PARD3B: variants seen among roughly 807,000 people sequenced by gnomAD.
The protein encoded by PARD3B is par-3 family cell polarity regulator beta.
In PARD3B, 103 loss-of-function variants were observed where a neutral mutation model predicts 130.2. The ratio of observed to expected loss-of-function variants is 0.79; its 90% CI spans 0.67 to 0.93. The LOEUF (loss-of-function observed/expected upper bound fraction) is 0.93. Ranked by LOEUF, PARD3B falls within the 40% of genes least tolerant of loss-of-function variation. PARD3B has a pLI of 0.00. For synonymous variants in PARD3B, 583 were observed against 553.2 expected (o/e 1.05, Z -0.76); for missense variants, 1,609 against 1,499.2 (o/e 1.07, Z -1.21).
intron 15 of PARD3B, among the ~76,000 whole-genome samples, chr2:205,221,458 C>T (rs1455026991): frequency 6.6e-6 from 1 of 152,142 alleles, no homozygotes; most frequent in Non-Finnish European, 1.5e-5. Context: ...GTTCAGCTGC[C>T]AGGAAAGCTA....
intron 1 of PARD3B, among the ~76,000 whole-genome samples, chr2:204,637,889 A>G (rs1159853947): frequency 2.6e-5 from 4 of 152,036 alleles, no homozygotes; most frequent in Non-Finnish European, 4.4e-5. Context: ...CATAGGAGAG[A>G]GATGCGGAAG....
At chr2:205,031,934 C>A (rs1447486344) in intron 3 of PARD3B, among the ~76,000 whole-genome samples, 3 of 152,118 alleles carry the variant, frequency 2.0e-5, no homozygotes, top group Non-Finnish European at 2.9e-5. Context: ...CCAAGCCATT[C>A]CTGTGCCTCT....
Position 205,230,882 on chromosome 2 carries a change from G to A in PARD3B, c.2141-14896G>A, listed in dbSNP as rs1025213099. Reference sequence around the variant, plus strand: ...CCTCCATGGACTCTGGCTGTGTTCTGCCTGGTGTTGCTTTCCACCATGACA... The same window carrying A: ...CCTCCATGGACTCTGGCTGTGTTCTACCTGGTGTTGCTTTCCACCATGACA... On this transcript the variant is annotated intron_variant, in intron 15 of 22. Transcript: ENST00000406610. This position sits in a 1 kb window ranked among gnomAD's most constrained non-coding sequence, Gnocchi z 4.1. 2.0e-5 allele frequency among the ~76,000 whole-genome samples: 3 copies of A among 152,038 alleles called. No individual in the cohort carries two copies. The highest frequency in any genetic ancestry group is 4.8e-5 in the African/African-American group (2 of 41,406).
chr2:205,231,485 C>T (rs1035534889), intron 15 of PARD3B, among the ~76,000 whole-genome samples: 3 of 150,658 alleles, frequency 2.0e-5, no homozygotes, highest in Admixed American at 2.0e-4. Context: ...TAACACCATG[C>T]CCAACTAATT....
In PARD3B at chr2:205,047,491, T is replaced by A. The variant is rs1045837547; in HGVS notation, c.395-90T>A. ...AGAATGTTTTTACATAAAAGCCTGT[T>A]GTAAACCTTTTAAATTAAAGTGCAT... On this transcript the variant is annotated intron_variant, in intron 3 of 22. Transcript: ENST00000406610. 5.7e-6 allele frequency: 4 copies of A among 707,558 alleles called. No individual in the cohort carries two copies. In the Admixed American group the frequency reaches 1.2e-4, roughly 22 times the overall value. The allele number at this position is 707,558 out of a possible 1,614,324, so 43.8% of individuals were successfully genotyped here.
intron 18 of PARD3B, among the ~76,000 whole-genome samples, chr2:205,316,723 A>C (rs2042576325): frequency 6.6e-6 from 1 of 151,910 alleles, no homozygotes; most frequent in Admixed American, 6.6e-5. Context: ...CTCCTGAAAA[A>C]CCTACTCCAG....
chr2:204,708,957 A>T (rs1042605017), intron 2 of PARD3B, among the ~76,000 whole-genome samples: 46 of 152,182 alleles, frequency 3.0e-4, no homozygotes, highest in Admixed American at 2.8e-3. Flanking sequence ...GGGAGCCAAG[A>T]ACAAATTAAA....
rs116057728 is a variant in PARD3B, at chr2:205,105,137, A to G, written c.593+623A>G. Among the ~76,000 whole-genome samples the G allele has an allele frequency of 3.8e-3, 572 of 152,326 alleles. 5 individuals carry two copies. The highest frequency in any genetic ancestry group is 0.013 in the African/African-American group (553 of 41,566). On this transcript the variant is annotated intron_variant, in intron 5 of 22. Transcript: ENST00000406610. The surrounding 1 kb of genome is among the most constrained non-coding windows in gnomAD (Gnocchi z 4.0). Reference sequence around the variant, plus strand: ...GCCTCTTTACTAGTCCTGTGAGCTTAGACAAGTTACTCATTTCTCTTTCTC... The same window carrying G: ...GCCTCTTTACTAGTCCTGTGAGCTTGGACAAGTTACTCATTTCTCTTTCTC...
intron 3 of PARD3B, among the ~76,000 whole-genome samples, chr2:205,036,827 CTG>C (rs1697957220): frequency 6.7e-6 from 1 of 149,180 alleles, no homozygotes; most frequent in South Asian, 2.1e-4. Flanking sequence ...ACACAACGGA[CTG>C]TATGTACAAA....
chr2:205,567,609 A>G (rs2053403883), intron 22 of PARD3B, among the ~76,000 whole-genome samples: 2 of 151,600 alleles, frequency 1.3e-5, no homozygotes, highest in South Asian at 4.2e-4. Context: ...GGCATGAGCC[A>G]CCGCGCCCGG....
At chr2:205,523,514 A>G (rs896352315) in intron 21 of PARD3B, among the ~76,000 whole-genome samples, 1 of 151,956 alleles carries the variant, frequency 6.6e-6, no homozygotes, top group Admixed American at 6.6e-5. Flanking sequence ...CTGGCTTTAT[A>G]AATATTATTT....
intron 20 of PARD3B, among the ~76,000 whole-genome samples, chr2:205,498,553 G>A (rs1391005502): frequency 6.6e-6 from 1 of 152,076 alleles, no homozygotes; most frequent in Non-Finnish European, 1.5e-5. Context: ...ATTCGAATTT[G>A]CTTTGTAAAT....
intron 2 of PARD3B, among the ~76,000 whole-genome samples, chr2:204,779,222 A>G (rs2041751566): frequency 6.6e-6 from 1 of 152,028 alleles, no homozygotes; most frequent in Admixed American, 6.6e-5. Flanking sequence ...TCCATACTTT[A>G]CCTTCTCTAT....
In PARD3B at chr2:205,125,515, G is replaced by T; in HGVS notation, c.1306-94G>T. 2 of 1,389,496 alleles carry T rather than the reference G, an allele frequency of 1.4e-6. No individual in the cohort carries two copies. The highest frequency in any genetic ancestry group is 2.0e-6 in the Non-Finnish European group (2 of 1,017,170). The allele number at this position is 1,389,496 out of a possible 1,614,324, so 86.1% of individuals were successfully genotyped here. A position where few individuals can be genotyped will look rare whatever the true frequency, so the allele number is the denominator to read the frequency against. ...CTTTTCAGAGCTTCCTCAAGTATGG[G>T]AGCCCATTTGCTTCTTGTTTTCAAA... On this transcript the variant is annotated intron_variant, in intron 9 of 22. Transcript: ENST00000406610. The surrounding 1 kb of genome is among the most constrained non-coding windows in gnomAD (Gnocchi z 4.0).
intron 21 of PARD3B, among the ~76,000 whole-genome samples, chr2:205,532,361 A>ATAAG (rs2051637355): frequency 6.6e-6 from 1 of 152,198 alleles, no homozygotes; most frequent in African/African-American, 2.4e-5. Context: ...CAAAACTGTT[A>ATAAG]TAAGTTCTTT....
At chr2:204,912,487 A>T (rs2047275983) in intron 2 of PARD3B, among the ~76,000 whole-genome samples, 1 of 152,204 alleles carries the variant, frequency 6.6e-6, no homozygotes, top group African/African-American at 2.4e-5. Context: ...CCAAGAAGAT[A>T]TCTCTTTTAG....
intron 18 of PARD3B, among the ~76,000 whole-genome samples, chr2:205,383,118 AGATAGATAGATAGATAGATAGATC>A (rs1473643962): frequency 2.8e-5 from 4 of 143,204 alleles, no homozygotes; most frequent in South Asian, 2.2e-4. Flanking sequence ...ATAGATAGAT[AGATAGATAGATAGATAGATAGATC>A]GATCTAAACT....
At chr2:204,851,757 T>C (rs113346388) in intron 2 of PARD3B, among the ~76,000 whole-genome samples, 1 of 152,026 alleles carries the variant, frequency 6.6e-6, no homozygotes, top group Non-Finnish European at 1.5e-5. Context: ...TTTTTTTTTT[T>C]TCTCGGCTCA....
At position 205,214,735 on chromosome 2, in the gene PARD3B, G is replaced by A. The variant is rs548826492; in HGVS notation, c.2140+21415G>A. 1.6e-3 allele frequency among the ~76,000 whole-genome samples: 249 copies of A among 152,140 alleles called. 1 individual carries two copies. The highest frequency in any genetic ancestry group is 1.0e-4 in the Non-Finnish European group (7 of 67,980). ...AGAAACATTAAAAGGCCCTACGTTC[G>A]CATGACCCAGTTTGTACAGTAGCCA... On this transcript the variant is annotated intron_variant, in intron 15 of 22. Coordinates refer to ENST00000406610, the MANE Select transcript of PARD3B (RefSeq NM_001302769.2).
Sources: gnomAD v4.1 joint callset for allele counts (sites outside exome capture counted in the v4.1 genomes callset) on GRCh38, gnomAD v4.1.1 for gene constraint, Gnocchi (gnomAD v3.1) non-coding constraint, MANE v1.5 for transcripts, NCBI Gene and HGNC (gene_info 2026-07-23, HGNC 2026-07-21) for gene names.